Variants in SLC22A12 observed in about 807,000 individuals in gnomAD.
SLC22A12 encodes the protein organic anion transporter 4-like protein.
SLC22A12 carries 56 observed loss-of-function variants against 52.7 expected under a neutral mutation model. The observed-to-expected ratio is 1.06, with a 90% CI of 0.86 to 1.33. The LOEUF is 1.33. Among genes scored for constraint, SLC22A12 ranks in the 40% most tolerant of loss-of-function variants. The pLI is 0.00. For missense variants in SLC22A12, 683 were observed against 741.5 expected, an observed-to-expected ratio of 0.92 and a Z score of 0.92; for synonymous variants, 337 against 324.6, an observed-to-expected ratio of 1.04 and a Z score of -0.41.
rs757712482 is a variant in SLC22A12 at position 64,598,540 on chromosome 11, G to T, written c.855G>T (p.Trp285Cys). The change falls in exon 5 of 10, where the codon TGG (tryptophan) becomes TGT (cysteine). Residue 285 changes from tryptophan (W) to cysteine (C), a missense_variant. Transcript: ENST00000377574. ...YSWWLAESARWLLTTGRLDWG... is the reference protein window; with the variant it reads ...YSWWLAESARCLLTTGRLDWG... ...GGTGGCTGGCAGAGTCGGCACGATG[G>T]CTCCTCACCACAGGCAGGCTGGATT... is the stretch of plus-strand genomic sequence containing the variant. 5.6e-6 allele frequency: 9 copies of T among 1,594,820 alleles called. No individual in the cohort carries two copies. The highest frequency in any genetic ancestry group is 6.8e-6 in the Non-Finnish European group (8 of 1,172,170).
chr11:64,599,507 T>C (rs1200919997), intron 6 of SLC22A12, among the ~76,000 whole-genome samples, 169 bp from the exon 7 acceptor site: 1 of 151,794 alleles, frequency 6.6e-6, no homozygotes, highest in Non-Finnish European at 1.5e-5. Context: ...CTGATAAACA[T>C]AGTCTAGAGA....
In SLC22A12 at chr11:64,591,770, C is replaced by T. The variant is rs2135439631; in HGVS notation, c.214C>T (p.Leu72Phe). 1.2e-6 allele frequency: 2 copies of T among 1,612,960 alleles called. No individual in the cohort carries two copies. Among genetic ancestry groups the T allele is most frequent in the Non-Finnish European group, 1.7e-6 (2 of 1,179,998 alleles). The change falls in exon 1 of 10, where the codon CTC becomes TTC. Residue 72 changes from leucine (L) to phenylalanine (F), a missense_variant. Leu to Phe is a conservative substitution (Grantham distance 22). Coordinates refer to ENST00000377574, the MANE Select transcript of SLC22A12 (RefSeq NM_144585.4). ...SILGSLSPEA[L>F]LAISIPPGPN... ...CCTAGGGAGCTTGAGTCCTGAGGCC[C>T]TCCTGGCTATTTCCATCCCGCCGGG...
In SLC22A12 at chr11:64,593,667, T is replaced by C; in HGVS notation, c.694T>C (p.Leu232=). ...MEWTAARARP[L]VMTLNSLGFS... ...GTGGACGGCGGCACGGGCCCGACCC[T>C]TGGTGATGACCTTGAACTCTCTGGG... Residue 232 remains leucine, a synonymous_variant, in exon 4 of 10, where the codon TTG becomes CTG. Coordinates refer to ENST00000377574, the MANE Select transcript of SLC22A12 (RefSeq NM_144585.4). 2 of 1,614,164 alleles carry C rather than the reference T, an allele frequency of 1.2e-6. No homozygotes were observed. The highest frequency in any genetic ancestry group is 1.7e-5 in the Admixed American group (1 of 60,030).
In SLC22A12 at chr11:64,593,391, G is replaced by A. The variant is rs761440959; in HGVS notation, c.507-14G>A. 1.9e-6 allele frequency: 3 copies of A among 1,614,064 alleles called. No individual in the cohort carries two copies. The highest frequency in any genetic ancestry group is 2.5e-6 in the Non-Finnish European group (3 of 1,180,034). On this transcript the variant is annotated splice_polypyrimidine_tract_variant and intron_variant, in intron 2 of 9. Coordinates refer to ENST00000377574, the MANE Select transcript of SLC22A12 (RefSeq NM_144585.4). Reference sequence around the variant, plus strand: ...CAAGCCACAGACCCTGCCTCTTCCTGGTTTGTGCCGCAGGTTTGGGCGCAG... The same window carrying A: ...CAAGCCACAGACCCTGCCTCTTCCTAGTTTGTGCCGCAGGTTTGGGCGCAG...
chr11:64,595,634 A>G (rs2039150628), intron 4 of SLC22A12, among the ~76,000 whole-genome samples: 1 of 139,374 alleles, frequency 7.2e-6, no homozygotes, highest in Non-Finnish European at 1.5e-5. Flanking sequence ...AGATGGATGG[A>G]TGGTTGAATG....
intron 9 of SLC22A12, among the ~76,000 whole-genome samples, chr11:64,601,196 C>T (rs892192218): frequency 6.6e-6 from 1 of 152,186 alleles, no homozygotes; most frequent in Non-Finnish European, 1.5e-5. Flanking sequence ...CAAGCTCCCC[C>T]AGGTCCACCC....
rs1282321385 is a variant in SLC22A12 at position 64,592,775 on chromosome 11, T to C, written c.403-4T>C. On this transcript the variant is annotated splice_polypyrimidine_tract_variant and splice_region_variant and intron_variant, in intron 1 of 9. Coordinates refer to ENST00000377574, the MANE Select transcript of SLC22A12 (RefSeq NM_144585.4). The stretch of plus-strand genomic sequence containing the variant: ...CTGAGCTCAGCCTCCTCCTCTCCCA[T>C]CAGTGGAACCTCGTGTGTGACTCTC... The C allele has an allele frequency of 2.5e-6, 4 of 1,611,980 alleles. No individual in the cohort carries two copies. The highest frequency in any genetic ancestry group is 3.3e-5 in the Admixed American group (2 of 59,988).
chr11:64,593,596 A>T (rs774797376), intron 3 of SLC22A12, 37 bp downstream of exon 3: 1 of 1,614,002 alleles, frequency 6.2e-7, no homozygotes, highest in Admixed American at 1.7e-5. Flanking sequence ...GGGGGGCTCC[A>T]TGCAGGCTCC....
In SLC22A12 at chr11:64,601,849, G is replaced by A. The variant is rs1385815869; in HGVS notation, c.*298G>A. The A allele has an allele frequency of 1.2e-5, 5 of 420,592 alleles. No homozygotes were observed. Among genetic ancestry groups the A allele is most frequent in the East Asian group, 5.3e-5 (1 of 18,888 alleles). The allele number at this position is 420,592 out of a possible 1,614,324, so 26.1% of individuals were successfully genotyped here. A position where few individuals can be genotyped will look rare whatever the true frequency, so the allele number is the denominator to read the frequency against. ...GCAGAGGGGTCAGGCCCAGGGGAAC[G>A]AGCTGGCCTTGCCAACCCTCTGCTT... is the stretch of plus-strand genomic sequence containing the variant. On this transcript the variant is annotated 3_prime_UTR_variant, in exon 10 of 10. Transcript: ENST00000377574.
In SLC22A12 at chr11:64,601,717, C is replaced by A; in HGVS notation, c.*166C>A. On this transcript the variant is annotated 3_prime_UTR_variant, in exon 10 of 10. Transcript: ENST00000377574. ...CCCTCCAGGTGAGCCCTGCCCCTCT[C>A]ACAGTCCAAGGGGCCCCCTTCAATA... The A allele has an allele frequency of 1.4e-6, 1 of 737,024 alleles. No individual in the cohort carries two copies. Among genetic ancestry groups the A allele is most frequent in the Non-Finnish European group, 2.3e-6 (1 of 427,950 alleles). The allele number at this position is 737,024 out of a possible 1,614,324, so 45.7% of individuals were successfully genotyped here.
intron 1 of SLC22A12, among the ~76,000 whole-genome samples, chr11:64,592,187 G>GGGCACCTCTAAATGCT (rs2038940383): frequency 6.6e-6 from 1 of 152,154 alleles, no homozygotes; most frequent in Admixed American, 6.5e-5. Context: ...GCACCTGGGC[G>GGGCACCTCTAAATGCT]GGCACCTCTA....
Position 64,599,676 on chromosome 11 carries a change from G to A in SLC22A12, c.1071G>A (p.Trp357Ter), listed in dbSNP as rs1277630359. 6.6e-7 allele frequency: 1 copy of A among 1,519,188 alleles called. No individual in the cohort carries two copies. The highest frequency in any genetic ancestry group is 1.9e-5 in the Admixed American group (1 of 52,428). The allele number at this position is 1,519,188 out of a possible 1,614,324, so 94.1% of individuals were successfully genotyped here. ...CTGACTTCCCTGACCCCTGCCCCAG[G>A]TTCGCCTTTGGCTTCACCTTCTTCG... is the stretch of plus-strand genomic sequence containing the variant. ...RFRTCISTLC[W>*]FAFGFTFFGL... The change falls in exon 7 of 10, where the codon TGG (tryptophan) becomes TGA (stop). Residue 357 changes from tryptophan to a stop codon, truncating the protein, a stop_gained and splice_region_variant. Coordinates refer to ENST00000377574, the MANE Select transcript of SLC22A12 (RefSeq NM_144585.4). LOFTEE classifies it high-confidence loss of function.
intron 9 of SLC22A12, 108 bp downstream of exon 9, chr11:64,601,046 CCAGA>C (rs2039439671): frequency 1.4e-6 from 2 of 1,406,412 alleles, no homozygotes; most frequent in Non-Finnish European, 2.0e-6. Context: ...AAGCAGAGGC[CCAGA>C]CAGATAGGAT....
Position 64,591,483 on chromosome 11 carries a change from GTTGCCCTGGCCTCT to G in SLC22A12, c.-64_-51del, listed in dbSNP as rs1484974690. On this transcript the variant is annotated 5_prime_UTR_variant, in exon 1 of 10. Transcript: ENST00000377574. ...GCACCACCGTGGGGGAAACAGGCCC[GTTGCCCTGGCCTCT>G]TTGCCCTGGGCCAGCCTTTGTGAAG... 6.3e-7 allele frequency: 1 copy of G among 1,591,136 alleles called. No homozygotes were observed. Among genetic ancestry groups the G allele is most frequent in the Non-Finnish European group, 8.5e-7 (1 of 1,173,232 alleles).
Position 64,594,745 on chromosome 11 carries a change from T to TTGGATGGA in SLC22A12, c.830+961_830+968dup, listed in dbSNP as rs145084168. 4.0e-4 allele frequency among the ~76,000 whole-genome samples: 47 copies of TTGGATGGA among 118,216 alleles called. 1 individual carries two copies. The highest frequency in any genetic ancestry group is 1.1e-3 in the Admixed American group (13 of 12,022). The allele number at this position is 118,216 out of a possible 152,430, so 77.6% of individuals were successfully genotyped here. The stretch of plus-strand genomic sequence containing the variant: ...GATGGACGGACAGACGGACGGACGG[T>TTGGATGGA]TGGATGGATGGATGGATGGATGGAT... On this transcript the variant is annotated intron_variant, in intron 4 of 9. Transcript: ENST00000377574.
At position 64,598,196 on chromosome 11, in the gene SLC22A12, C is replaced by A. The variant is rs893007; in HGVS notation, c.831-320C>A. ...CAACCAGGCCGGGTTCCTAGCGAGG[C>A]AGGGGAAGGGCTGTGGGGTCTGGAG... On this transcript the variant is annotated intron_variant, in intron 4 of 9. Transcript: ENST00000377574. Among the ~76,000 whole-genome samples the A allele has an allele frequency of 0.5, 75,510 of 151,922 alleles. 23,277 individuals are homozygous for A. Among genetic ancestry groups the A allele is most frequent in the Non-Finnish European group, 0.7 (47,514 of 67,894 alleles).
intron 9 of SLC22A12, 99 bp downstream of exon 9, chr11:64,601,037 A>G: frequency 6.8e-7 from 1 of 1,463,770 alleles, no homozygotes; most frequent in Middle Eastern, 2.3e-4. Flanking sequence ...CAGAGGCGGA[A>G]GCAGAGGCCC....
rs1388156007 is a variant in SLC22A12, at chr11:64,593,388, C to G, written c.507-17C>G. The G allele has an allele frequency of 6.2e-7, 1 of 1,614,052 alleles. No homozygotes were observed. The highest frequency in any genetic ancestry group is 2.2e-5 in the East Asian group (1 of 44,882). ...TGGCAAGCCACAGACCCTGCCTCTTCCTGGTTTGTGCCGCAGGTTTGGGCG... is the reference window on the plus strand; with the variant it reads ...TGGCAAGCCACAGACCCTGCCTCTTGCTGGTTTGTGCCGCAGGTTTGGGCG... On this transcript the variant is annotated splice_polypyrimidine_tract_variant and intron_variant, in intron 2 of 9. Coordinates refer to ENST00000377574, the MANE Select transcript of SLC22A12 (RefSeq NM_144585.4).
chr11:64,592,884 T>C lies in SLC22A12; in HGVS notation c.506+2T>C. 1.2e-6 allele frequency: 2 copies of C among 1,612,742 alleles called. No homozygotes were observed. Among genetic ancestry groups the C allele is most frequent in the Non-Finnish European group, 1.7e-6 (2 of 1,179,470 alleles). On this transcript the variant is annotated splice_donor_variant, in intron 2 of 9. Coordinates refer to ENST00000377574, the MANE Select transcript of SLC22A12 (RefSeq NM_144585.4). LOFTEE classifies it high-confidence loss of function. ...TGCGTGCGGCCCTGCCTCAGACAGG[T>C]GAGTACCCCCAGTCCAGGCAGGTCC...
Sources: allele counts gnomAD v4.1 joint callset (sites outside exome capture counted in the v4.1 genomes callset), GRCh38; gene constraint gnomAD v4.1.1; transcripts MANE v1.5; gene names NCBI Gene and HGNC (gene_info 2026-07-23, HGNC 2026-07-21).